NECAB1: variants seen among roughly 807,000 people sequenced by gnomAD.
The protein encoded by NECAB1 is N-terminal EF-hand calcium-binding protein 1.
A neutral mutation model predicts 57.5 loss-of-function variants in NECAB1; 29 were observed. That is an observed-to-expected ratio of 0.50 (90% CI 0.38 to 0.69). NECAB1 has a LOEUF of 0.69. Ranked by LOEUF, NECAB1 falls within the 30% of genes least tolerant of loss-of-function variation. The pLI is 0.00. For synonymous variants in NECAB1, 142 were observed against 147.7 expected (o/e 0.96, Z 0.28); for missense variants, 372 against 413.8 (o/e 0.90, Z 0.88).
At chr8:90,934,157 T>TA (rs1810475091) in intron 8 of NECAB1, 147 bp from the exon 9 acceptor site, 5 of 591,010 alleles carry the variant, frequency 8.5e-6, no homozygotes, top group South Asian at 4.8e-5. Flanking sequence ...AGCTGAGTTT[T>TA]AAAAAAATCA....
intron 5 of NECAB1, among the ~76,000 whole-genome samples, chr8:90,884,648 C>G (rs1445080460): frequency 2.0e-5 from 3 of 152,124 alleles, no homozygotes; most frequent in Non-Finnish European, 4.4e-5. Context: ...GTATTCAATC[C>G]TTAAGTATTT....
intron 1 of NECAB1, among the ~76,000 whole-genome samples, chr8:90,798,635 T>G (rs547880782): frequency 6.6e-6 from 1 of 152,336 alleles, no homozygotes; most frequent in South Asian, 2.1e-4. Context: ...TATCTTGTTC[T>G]TTTTTATGGC....
chr8:90,836,126 T>A (rs959865049), intron 3 of NECAB1, among the ~76,000 whole-genome samples: 13 of 152,228 alleles, frequency 8.5e-5, no homozygotes, highest in African/African-American at 3.1e-4. Flanking sequence ...GTGGATTATT[T>A]TCATATTTTA....
chr8:90,932,986 TCAC>T lies in NECAB1; in HGVS notation c.694-1315_694-1313del, dbSNP rs769619288. ...ACAAACTATGAAAAAATGCTCAACA[TCAC>T]CAATGATCAGGGAAATGTAAATCAA... On this transcript the variant is annotated intron_variant, in intron 8 of 12. Coordinates refer to ENST00000417640, the MANE Select transcript of NECAB1 (RefSeq NM_022351.5). 1.1e-4 allele frequency among the ~76,000 whole-genome samples: 17 copies of T among 152,184 alleles called. No homozygotes were observed. In the South Asian group the frequency reaches 3.5e-3, roughly 32 times the overall value.
intron 5 of NECAB1, among the ~76,000 whole-genome samples, chr8:90,908,212 G>A (rs998617886): frequency 6.6e-6 from 1 of 152,124 alleles, no homozygotes; most frequent in African/African-American, 2.4e-5. Context: ...TATCATTTAT[G>A]TCAACTTTGT....
chr8:90,865,525 A>T (rs1278031346), intron 3 of NECAB1, among the ~76,000 whole-genome samples: 1 of 152,218 alleles, frequency 6.6e-6, no homozygotes, highest in Non-Finnish European at 1.5e-5. Flanking sequence ...GGTCTTAAGC[A>T]GAAGGGATTT....
intron 10 of NECAB1, among the ~76,000 whole-genome samples, chr8:90,947,141 T>G (rs1468755620): frequency 6.6e-6 from 1 of 152,140 alleles, no homozygotes. Flanking sequence ...TTAATAGATA[T>G]GTGCATTTTC....
At chr8:90,865,360 C>T (rs1808493658) in intron 3 of NECAB1, among the ~76,000 whole-genome samples, 1 of 152,074 alleles carries the variant, frequency 6.6e-6, no homozygotes, top group Non-Finnish European at 1.5e-5. Context: ...AGACTGGACT[C>T]CTATAGACTC....
intron 10 of NECAB1, among the ~76,000 whole-genome samples, chr8:90,943,672 G>A (rs1191953207): frequency 2.0e-5 from 3 of 152,272 alleles, no homozygotes; most frequent in Non-Finnish European, 4.4e-5. Context: ...GTTTAGCTTA[G>A]TCTCATCATG....
intron 5 of NECAB1, among the ~76,000 whole-genome samples, chr8:90,893,294 A>G (rs1047002748): frequency 6.6e-6 from 1 of 152,092 alleles, no homozygotes; most frequent in African/African-American, 2.4e-5. Context: ...GCACATCCCC[A>G]TGGTAGCTCC....
chr8:90,823,623 G>A (rs991542333), intron 2 of NECAB1, among the ~76,000 whole-genome samples: 1 of 151,760 alleles, frequency 6.6e-6, no homozygotes, highest in African/African-American at 2.4e-5. Context: ...GAATCTAGAG[G>A]AGCTCTTTCT....
At chr8:90,825,404 T>G (rs1812208660) in intron 3 of NECAB1, among the ~76,000 whole-genome samples, 2 of 151,924 alleles carry the variant, frequency 1.3e-5, no homozygotes, top group Admixed American at 1.3e-4. Flanking sequence ...ATTCTCACTA[T>G]GCTTAAAAAT....
chr8:90,871,156 T>A (rs1808615541), intron 3 of NECAB1, among the ~76,000 whole-genome samples: 1 of 152,182 alleles, frequency 6.6e-6, no homozygotes, highest in African/African-American at 2.4e-5. Context: ...ATGTGACAAC[T>A]ATATAAAGTC....
chr8:90,901,810 C>T (rs1248066908), intron 5 of NECAB1, among the ~76,000 whole-genome samples: 2 of 152,146 alleles, frequency 1.3e-5, no homozygotes, highest in Non-Finnish European at 2.9e-5. Context: ...TAGTTACACA[C>T]ATTTAATGGA....
intron 7 of NECAB1, among the ~76,000 whole-genome samples, chr8:90,926,697 T>G (rs1433137498): frequency 1.3e-5 from 2 of 152,206 alleles, no homozygotes; most frequent in Non-Finnish European, 2.9e-5. Context: ...GATCATTTTC[T>G]TCTCCTAGTG....
At chr8:90,826,914 G>C (rs967349339) in intron 3 of NECAB1, among the ~76,000 whole-genome samples, 2 of 151,788 alleles carry the variant, frequency 1.3e-5, no homozygotes, top group Non-Finnish European at 2.9e-5. Flanking sequence ...TCTCTCATAT[G>C]CATTAGTAAC....
intron 5 of NECAB1, among the ~76,000 whole-genome samples, chr8:90,899,387 C>T (rs982261946): frequency 1.3e-5 from 2 of 152,218 alleles, no homozygotes; most frequent in African/African-American, 2.4e-5. Context: ...ATCCACTTCT[C>T]TTACTCTCAA....
chr8:90,801,451 C>T (rs972920535), intron 1 of NECAB1, among the ~76,000 whole-genome samples: 1 of 152,098 alleles, frequency 6.6e-6, no homozygotes, highest in Admixed American at 6.5e-5. Flanking sequence ...TTTTATTGCT[C>T]AGTAGTATTC....
chr8:90,797,964 A>C (rs1031782857), intron 1 of NECAB1, among the ~76,000 whole-genome samples: 22 of 152,144 alleles, frequency 1.4e-4, no homozygotes, highest in Non-Finnish European at 2.8e-4. Context: ...AACTATCACA[A>C]TAGAATGTAC....
Sources: gnomAD v4.1 joint callset for allele counts (sites outside exome capture counted in the v4.1 genomes callset) on GRCh38, gnomAD v4.1.1 for gene constraint, MANE v1.5 for transcripts, NCBI Gene and HGNC (gene_info 2026-07-23, HGNC 2026-07-21) for gene names.